The following SGCZ variants were observed in gnomAD, a reference collection of about 807,000 sequenced individuals.
The protein encoded by SGCZ is sarcoglycan zeta.
In SGCZ, 40 loss-of-function variants were observed where a neutral mutation model predicts 41.3. The ratio of observed to expected loss-of-function variants is 0.97; its 90% confidence interval spans 0.75 to 1.26. SGCZ has a LOEUF of 1.26. SGCZ is among the 50% of genes most tolerant of loss of function. SGCZ has a pLI of 0.00. For synonymous variants in SGCZ, 206 were observed against 137.5 expected, an observed-to-expected ratio of 1.50 and a Z score of -3.49; for missense variants, 552 against 369.8, an observed-to-expected ratio of 1.49 and a Z score of -4.04.
intron 1 of SGCZ, among the ~76,000 whole-genome samples, chr8:15,151,984 C>T (rs1347946602): frequency 1.3e-5 from 2 of 152,140 alleles, no homozygotes; most frequent in South Asian, 2.1e-4. Context: ...TTAAGTGATT[C>T]AACAGCCTTT....
chr8:14,149,778 A>G (rs1803642155), intron 5 of SGCZ, among the ~76,000 whole-genome samples: 1 of 152,162 alleles, frequency 6.6e-6, no homozygotes, highest in Non-Finnish European at 1.5e-5. Flanking sequence ...TTCAGATTAT[A>G]CTGTGGAGCT....
chr8:14,667,242 A>C lies in SGCZ; in HGVS notation c.40-112316T>G, dbSNP rs975214733. ...ATTCCTAAACTAATTTCTCAGGATT[A>C]TTCTGGCATGTATAACTGATGAAGA... On this transcript the variant is annotated intron_variant, in intron 1 of 7. Transcript: ENST00000382080. Among the ~76,000 whole-genome samples, 6 of 152,198 alleles carry C rather than the reference A, an allele frequency of 3.9e-5. No homozygotes were observed. In the East Asian group the frequency reaches 1.2e-3, roughly 29 times the overall value.
chr8:14,786,857 A>G (rs954938469), intron 1 of SGCZ, among the ~76,000 whole-genome samples: 1 of 151,236 alleles, frequency 6.6e-6, no homozygotes, highest in Non-Finnish European at 1.5e-5. Flanking sequence ...AAAAACAAAA[A>G]ACACATAGAT....
intron 3 of SGCZ, among the ~76,000 whole-genome samples, chr8:14,292,974 C>T (rs1329922868): frequency 6.6e-6 from 1 of 151,844 alleles, no homozygotes; most frequent in East Asian, 1.9e-4. Flanking sequence ...AAAAGTTTTT[C>T]ATTCTTATTT....
At chr8:14,661,900 G>T (rs923934846) in intron 1 of SGCZ, among the ~76,000 whole-genome samples, 1 of 151,426 alleles carries the variant, frequency 6.6e-6, no homozygotes, top group Non-Finnish European at 1.5e-5. Context: ...GAGACAATGG[G>T]GTATCTTGAT....
intron 1 of SGCZ, among the ~76,000 whole-genome samples, chr8:14,601,293 G>A (rs1805581904): frequency 6.6e-6 from 1 of 152,002 alleles, no homozygotes; most frequent in Non-Finnish European, 1.5e-5. Flanking sequence ...TATAAAAAGT[G>A]ATTGATTAGA....
chr8:14,770,236 G>C (rs1464406689), intron 1 of SGCZ, among the ~76,000 whole-genome samples: 1 of 151,304 alleles, frequency 6.6e-6, no homozygotes, highest in Non-Finnish European at 1.5e-5. Context: ...ATCTAGATTT[G>C]ACGAGTTCTA....
At chr8:15,048,253 T>C (rs1030532265) in intron 1 of SGCZ, among the ~76,000 whole-genome samples, 5 of 152,018 alleles carry the variant, frequency 3.3e-5, no homozygotes, top group Admixed American at 1.3e-4. Context: ...CACATGTTCT[T>C]AGCCATATGT....
chr8:14,802,951 G>A (rs1030643518), intron 1 of SGCZ, among the ~76,000 whole-genome samples: 1 of 152,098 alleles, frequency 6.6e-6, no homozygotes, highest in Non-Finnish European at 1.5e-5. Context: ...TCCTCCTCCA[G>A]CCCCATTCTT....
chr8:14,324,069 T>C (rs1468800594), intron 3 of SGCZ, 34 bp downstream of exon 3: 11 of 1,441,834 alleles, frequency 7.6e-6, no homozygotes, highest in Admixed American at 3.5e-5. Context: ...CTCTAAATTA[T>C]CTTTTAGAGT....
At chr8:14,162,179 C>A (rs186251498) in intron 5 of SGCZ, among the ~76,000 whole-genome samples, 3 of 152,002 alleles carry the variant, frequency 2.0e-5, no homozygotes, top group African/African-American at 4.8e-5. Flanking sequence ...ATGAGACAGG[C>A]AAAGGTAATA....
intron 1 of SGCZ, among the ~76,000 whole-genome samples, chr8:15,230,185 T>TAAA (rs200066472): frequency 3.6e-5 from 5 of 139,380 alleles, no homozygotes; most frequent in Non-Finnish European, 6.2e-5. Context: ...GGATACTAGT[T>TAAA]AAAAAAAAAA....
At chr8:15,215,863 T>C (rs2117171197) in intron 1 of SGCZ, among the ~76,000 whole-genome samples, 1 of 152,308 alleles carries the variant, frequency 6.6e-6, no homozygotes, top group East Asian at 1.9e-4. Context: ...CAAACAAAGA[T>C]ATAATGTGAT....
chr8:14,556,283 G>C (rs1804032597), intron 1 of SGCZ, among the ~76,000 whole-genome samples: 1 of 151,400 alleles, frequency 6.6e-6, no homozygotes, highest in South Asian at 2.1e-4. Context: ...CTTATTAAAT[G>C]ACGAATCTAA....
intron 1 of SGCZ, among the ~76,000 whole-genome samples, chr8:14,572,592 A>G (rs1466069247): frequency 6.6e-6 from 1 of 152,190 alleles, no homozygotes. Context: ...TAGCAGGGGC[A>G]GGAGACATAG....
At chr8:14,274,536 A>AT (rs1800166559) in intron 3 of SGCZ, among the ~76,000 whole-genome samples, 1 of 152,154 alleles carries the variant, frequency 6.6e-6, no homozygotes, top group Non-Finnish European at 1.5e-5. Flanking sequence ...ATATTTTTCT[A>AT]GTGCTATAAG....
intron 1 of SGCZ, among the ~76,000 whole-genome samples, chr8:14,904,411 C>T (rs1328421781): frequency 2.0e-5 from 3 of 152,000 alleles, no homozygotes; most frequent in Admixed American, 1.3e-4. Flanking sequence ...CAAAACATCT[C>T]ATTATCAAAG....
intron 3 of SGCZ, among the ~76,000 whole-genome samples, chr8:14,281,663 T>C (rs1364095816): frequency 6.6e-6 from 1 of 152,018 alleles, no homozygotes; most frequent in Non-Finnish European, 1.5e-5. Flanking sequence ...TTAATACAAA[T>C]ATACATCAAA....
At chr8:14,257,488 AT>A (rs35855115) in intron 3 of SGCZ, among the ~76,000 whole-genome samples, 17,541 of 151,096 alleles carry the variant, frequency 0.12, 1,278 homozygotes, top group East Asian at 0.25. Flanking sequence ...ACGTATGACA[AT>A]TTTTTTTTTA....
Sources: gnomAD v4.1 joint callset for allele counts (sites outside exome capture counted in the v4.1 genomes callset) on GRCh38, gnomAD v4.1.1 for gene constraint, MANE v1.5 for transcripts, NCBI Gene and HGNC (gene_info 2026-07-23, HGNC 2026-07-21) for gene names.